SMYD4: variants seen among roughly 807,000 people sequenced by gnomAD.
The protein encoded by SMYD4 is protein-lysine N-methyltransferase SMYD4.
In SMYD4, 68 loss-of-function variants were observed where a neutral mutation model predicts 72.8. The observed-to-expected ratio is 0.93, with a 90% CI of 0.77 to 1.14. The LOEUF (loss-of-function observed/expected upper bound fraction) is 1.14. Among genes scored for constraint, SMYD4 ranks in the 50% most tolerant of loss-of-function variants. The pLI, the probability that SMYD4 is intolerant of heterozygous loss-of-function variation, is 0.00. For missense variants in SMYD4, 984 were observed against 1,003.7 expected (o/e 0.98, Z 0.27); for synonymous variants, 407 against 388.6 (o/e 1.05, Z -0.56).
chr17:1,814,287 A>G (rs1012264844), intron 2 of SMYD4, among the ~76,000 whole-genome samples: 5 of 152,184 alleles, frequency 3.3e-5, no homozygotes, highest in African/African-American at 1.2e-4. Context: ...CCTGGGTGAC[A>G]GGGCAAGGCC....
chr17:1,789,764 C>CCAAAAAAAAAAAAAAAA (rs71150816), intron 5 of SMYD4, among the ~76,000 whole-genome samples: 6 of 90,132 alleles, frequency 6.7e-5, no homozygotes, highest in South Asian at 3.6e-4. Context: ...GACTCTGTCT[C>CCAAAAAAAAAAAAAAAA]AAAAAAAAAA....
chr17:1,799,476 T>A (rs746483731), intron 5 of SMYD4, among the ~76,000 whole-genome samples: 18 of 151,458 alleles, frequency 1.2e-4, no homozygotes, highest in Non-Finnish European at 1.9e-4. Flanking sequence ...TTCAGGTGAT[T>A]CTCCTGTCTT....
At chr17:1,798,726 C>A (rs193246430) in intron 5 of SMYD4, among the ~76,000 whole-genome samples, 5 of 151,934 alleles carry the variant, frequency 3.3e-5, no homozygotes, top group African/African-American at 1.2e-4. Flanking sequence ...GGCAAAACCC[C>A]GTCTCTACTA....
At chr17:1,785,766 AAAAAAAAAAG>A (rs199550430) in intron 7 of SMYD4, among the ~76,000 whole-genome samples, 80,520 of 127,380 alleles carry the variant, frequency 0.63, 23,586 homozygotes, top group East Asian at 0.7. Context: ...CCCATCTCAA[AAAAAAAAAAG>A]AAAAAAAAAA....
intron 1 of SMYD4, among the ~76,000 whole-genome samples, chr17:1,828,938 CTT>C (rs1911364997): frequency 6.6e-6 from 1 of 151,206 alleles, no homozygotes; most frequent in Non-Finnish European, 1.5e-5. Context: ...CCAGATTTTT[CTT>C]TCTCACCCAC....
At position 1,787,410 on chromosome 17, in the gene SMYD4, G is replaced by C. The variant is rs986177036; in HGVS notation, c.1720+12C>G. Reference sequence around the variant, plus strand: ...GAGAAGGGCAGGATGGCAGTGCGGAGGGATGGCTCACCATAGCAGTGGAGA... The same window carrying C: ...GAGAAGGGCAGGATGGCAGTGCGGACGGATGGCTCACCATAGCAGTGGAGA... On this transcript the variant is annotated intron_variant, in intron 6 of 10. Transcript: ENST00000305513. The C allele has an allele frequency of 4.5e-6, 7 of 1,552,694 alleles. No homozygotes were observed. In the African/African-American group the frequency reaches 9.6e-5, roughly 21 times the overall value.
At chr17:1,789,017 T>G (rs1429059866) in intron 5 of SMYD4, among the ~76,000 whole-genome samples, 1 of 152,196 alleles carries the variant, frequency 6.6e-6, no homozygotes, top group Admixed American at 6.6e-5. Context: ...AAAGGAAACA[T>G]TCAGTTTTCT....
Position 1,781,141 on chromosome 17 carries a change from G to A in SMYD4, c.*145C>T, listed in dbSNP as rs779475680. The A allele has an allele frequency of 8.8e-6, 9 of 1,023,898 alleles. No homozygotes were observed. The highest frequency in any genetic ancestry group is 1.2e-5 in the Non-Finnish European group (9 of 722,164). 63.4% of individuals were successfully genotyped at this position (1,023,898 alleles called of 1,614,324 possible). On this transcript the variant is annotated 3_prime_UTR_variant, in exon 11 of 11. Transcript: ENST00000305513. ...TCACCATGTTGGCCAGGCTGGTCTT[G>A]AACTCCTGACATCAGGTGATCCGCC... is the stretch of plus-strand genomic sequence containing the variant.
At chr17:1,801,075 T>C (rs1349567956) in intron 4 of SMYD4, 51 bp from the exon 5 acceptor site, 3 of 1,495,570 alleles carry the variant, frequency 2.0e-6, no homozygotes, top group African/African-American at 1.4e-5. Context: ...TATTCTTCAA[T>C]GTTTACTGAA....
intron 2 of SMYD4, among the ~76,000 whole-genome samples, chr17:1,817,488 T>A (rs1266050871): frequency 6.6e-6 from 1 of 151,190 alleles, no homozygotes; most frequent in Non-Finnish European, 1.5e-5. Flanking sequence ...GCTCCAGGCA[T>A]GCGCCACCAT....
chr17:1,789,814 T>C (rs1169932719), intron 5 of SMYD4, among the ~76,000 whole-genome samples: 3 of 146,598 alleles, frequency 2.0e-5, no homozygotes, highest in Non-Finnish European at 4.5e-5. Flanking sequence ...ATAGGAATAA[T>C]GTTGTCAATT....
intron 2 of SMYD4, among the ~76,000 whole-genome samples, chr17:1,820,084 G>A (rs1392182126): frequency 2.0e-5 from 3 of 151,956 alleles, no homozygotes; most frequent in Non-Finnish European, 4.4e-5. Flanking sequence ...CACCATGCCC[G>A]GCCAAAAGTC....
At chr17:1,820,338 C>T (rs1910827443) in intron 2 of SMYD4, among the ~76,000 whole-genome samples, 1 of 151,954 alleles carries the variant, frequency 6.6e-6, no homozygotes. Flanking sequence ...ATCCTGGGCT[C>T]AAGCAATTTT....
At chr17:1,806,795 A>G (rs978377510) in intron 3 of SMYD4, among the ~76,000 whole-genome samples, 1 of 152,206 alleles carries the variant, frequency 6.6e-6, no homozygotes, top group Non-Finnish European at 1.5e-5. Context: ...ATACATATAA[A>G]ATATCCATTG....
At chr17:1,816,244 T>C (rs1054944613) in intron 2 of SMYD4, among the ~76,000 whole-genome samples, 4 of 152,188 alleles carry the variant, frequency 2.6e-5, no homozygotes, top group African/African-American at 9.7e-5. Context: ...CTTTTCCTTT[T>C]GTGTCTAACT....
At chr17:1,795,747 G>GTTTTTTTTTTTTTT (rs368038317) in intron 5 of SMYD4, among the ~76,000 whole-genome samples, 6 of 128,444 alleles carry the variant, frequency 4.7e-5, no homozygotes, top group South Asian at 2.5e-4. Context: ...TGGCCCGTGA[G>GTTTTTTTTTTTTTT]TTTTTTTTTT....
At chr17:1,803,618 G>C (rs2093446946) in intron 4 of SMYD4, among the ~76,000 whole-genome samples, 1 of 152,114 alleles carries the variant, frequency 6.6e-6, no homozygotes, top group Admixed American at 6.6e-5. Context: ...TCCTGCCTCA[G>C]CCTCCTGAGT....
intron 4 of SMYD4, 189 bp downstream of exon 4, chr17:1,804,437 A>G (rs1909930614): frequency 4.1e-6 from 2 of 488,290 alleles, no homozygotes; most frequent in Non-Finnish European, 7.5e-6. Flanking sequence ...TTGACCTCCC[A>G]AAGTGCTGAG....
intron 1 of SMYD4, among the ~76,000 whole-genome samples, chr17:1,829,042 TAG>T (rs1911372034): frequency 6.6e-6 from 1 of 152,154 alleles, no homozygotes; most frequent in Non-Finnish European, 1.5e-5. Flanking sequence ...GCATTCTTCC[TAG>T]AGTGTTATAA....
Sources: allele counts gnomAD v4.1 joint callset (sites outside exome capture counted in the v4.1 genomes callset), GRCh38; gene constraint gnomAD v4.1.1; transcripts MANE v1.5; gene names NCBI Gene and HGNC (gene_info 2026-07-23, HGNC 2026-07-21).